TTLL5: variants seen among roughly 807,000 people sequenced by gnomAD.
TTLL5 encodes the protein tubulin tyrosine ligase like 5, also known as tubulin polyglutamylase TTLL5.
A neutral mutation model predicts 168.4 loss-of-function variants in TTLL5; 132 were observed. The observed-to-expected ratio is 0.78, with a 90% CI of 0.68 to 0.91. TTLL5 has a LOEUF of 0.91. TTLL5 is among the 40% of genes least tolerant of loss of function. TTLL5 has a pLI of 0.00. For synonymous variants in TTLL5, 546 were observed against 558.6 expected (o/e 0.98, Z 0.32); for missense variants, 1,545 against 1,581.5 (o/e 0.98, Z 0.39).
intron 31 of TTLL5, among the ~76,000 whole-genome samples, chr14:75,921,117 G>A (rs948793283): frequency 6.6e-6 from 1 of 152,136 alleles, no homozygotes; most frequent in Admixed American, 6.5e-5. Flanking sequence ...TGTAGATTCT[G>A]GATATTAGCC....
chr14:75,899,978 A>G (rs933770048), intron 30 of TTLL5, among the ~76,000 whole-genome samples: 2 of 147,540 alleles, frequency 1.4e-5, no homozygotes, highest in Non-Finnish European at 3.0e-5. Context: ...TACTTTGTGA[A>G]ATTGAGACCA....
intron 28 of TTLL5, among the ~76,000 whole-genome samples, chr14:75,848,356 A>G (rs1896669050): frequency 6.6e-6 from 1 of 152,106 alleles, no homozygotes; most frequent in South Asian, 2.1e-4. Context: ...GCCCTAGACA[A>G]TCTGCACATT....
chr14:75,726,283 A>G (rs998246481), intron 12 of TTLL5, among the ~76,000 whole-genome samples: 3 of 151,876 alleles, frequency 2.0e-5, no homozygotes, highest in African/African-American at 7.3e-5. Context: ...AATCTCTCTT[A>G]TTTTCTTTAT....
chr14:75,848,288 T>A (rs1422051165), intron 28 of TTLL5, among the ~76,000 whole-genome samples: 2 of 150,920 alleles, frequency 1.3e-5, no homozygotes, highest in African/African-American at 5.0e-5. Flanking sequence ...TTATGTGCAC[T>A]AGGTTTGAAC....
chr14:75,860,031 A>G (rs1395714857), intron 28 of TTLL5, among the ~76,000 whole-genome samples: 1 of 152,168 alleles, frequency 6.6e-6, no homozygotes, highest in Admixed American at 6.5e-5. Flanking sequence ...AAAAGCCTCT[A>G]CTTGCTTGAG....
chr14:75,860,869 C>T (rs1170647736), intron 28 of TTLL5, among the ~76,000 whole-genome samples: 1 of 152,172 alleles, frequency 6.6e-6, no homozygotes, highest in Non-Finnish European at 1.5e-5. Context: ...GTTCCTCAGG[C>T]TCCTCCTTTC....
intron 31 of TTLL5, among the ~76,000 whole-genome samples, chr14:75,916,510 TG>T (rs1191200764): frequency 6.6e-6 from 1 of 152,208 alleles, no homozygotes; most frequent in African/African-American, 2.4e-5. Context: ...CAGTGGCACA[TG>T]CCTATAGTTC....
At chr14:75,755,600 G>A (rs1021524874) in intron 18 of TTLL5, among the ~76,000 whole-genome samples, 3 of 151,814 alleles carry the variant, frequency 2.0e-5, no homozygotes, top group Non-Finnish European at 4.4e-5. Flanking sequence ...TGCTTTCCAG[G>A]TTGGCTCTTA....
At chr14:75,813,885 C>T (rs1351805885) in intron 27 of TTLL5, among the ~76,000 whole-genome samples, 1 of 151,876 alleles carries the variant, frequency 6.6e-6, no homozygotes, top group South Asian at 2.1e-4. Flanking sequence ...TTCCAGACCC[C>T]TTTGTGACCA....
intron 31 of TTLL5, among the ~76,000 whole-genome samples, chr14:75,950,026 TG>T (rs1304796456): frequency 7.7e-4 from 118 of 152,310 alleles, no homozygotes; most frequent in African/African-American, 2.7e-3. Context: ...GGGGGCTGTG[TG>T]TGACTTGTCT....
intron 15 of TTLL5, among the ~76,000 whole-genome samples, chr14:75,743,575 CTTTTTTTTTTTTTT>C (rs33959405): frequency 1.6e-5 from 1 of 63,114 alleles, no homozygotes; most frequent in African/African-American, 6.9e-5. Flanking sequence ...TGGCATCGCT[CTTTTTTTTTTTTTT>C]TTTTTTTTTT....
chr14:75,824,034 C>G (rs920685386), intron 28 of TTLL5, among the ~76,000 whole-genome samples: 1 of 152,194 alleles, frequency 6.6e-6, no homozygotes, highest in African/African-American at 2.4e-5. Context: ...AGATTCAGGT[C>G]TCTAACTTCT....
chr14:75,900,193 TG>T (rs1398007342), intron 30 of TTLL5, among the ~76,000 whole-genome samples: 22 of 152,176 alleles, frequency 1.4e-4, no homozygotes, highest in African/African-American at 4.1e-4. Flanking sequence ...GGATTTCCGA[TG>T]TGGCTGTCCA....
At chr14:75,683,527 C>G in intron 4 of TTLL5, 23 bp from the exon 5 acceptor site, 1 of 1,582,434 alleles carries the variant, frequency 6.3e-7, no homozygotes, top group South Asian at 1.1e-5. Flanking sequence ...TTTTTGCCTT[C>G]TTGTCTTTCT....
intron 27 of TTLL5, among the ~76,000 whole-genome samples, chr14:75,811,037 T>C (rs1436498166): frequency 2.1e-5 from 3 of 144,874 alleles, no homozygotes; most frequent in African/African-American, 7.8e-5. Context: ...ATTTCCTTGA[T>C]AGCCTTGCAG....
chr14:75,861,251 A>T (rs1288813896), intron 28 of TTLL5, among the ~76,000 whole-genome samples: 3 of 152,192 alleles, frequency 2.0e-5, no homozygotes, highest in Non-Finnish European at 2.9e-5. Context: ...AGATTATGGG[A>T]TAGAAAGCCG....
intron 28 of TTLL5, among the ~76,000 whole-genome samples, chr14:75,834,588 G>A (rs1444937281): frequency 6.6e-6 from 1 of 152,048 alleles, no homozygotes; most frequent in Admixed American, 6.6e-5. Flanking sequence ...GCCATCCCAG[G>A]CAGTCTAAAT....
chr14:75,859,931 G>A (rs554149371), intron 28 of TTLL5, among the ~76,000 whole-genome samples: 1 of 152,172 alleles, frequency 6.6e-6, no homozygotes, highest in South Asian at 2.1e-4. Context: ...CTCAAAGCAA[G>A]CAAGTTTCTC....
chr14:75,899,609 A>C (rs1450093233), intron 30 of TTLL5, among the ~76,000 whole-genome samples: 1 of 152,214 alleles, frequency 6.6e-6, no homozygotes, highest in Admixed American at 6.5e-5. Context: ...GAAGCAGTAG[A>C]ATCATTAGAA....
Sources: allele counts gnomAD v4.1 joint callset (sites outside exome capture counted in the v4.1 genomes callset), GRCh38; gene constraint gnomAD v4.1.1; transcripts MANE v1.5; gene names NCBI Gene and HGNC (gene_info 2026-07-23, HGNC 2026-07-21).